The following ABR variants were observed in gnomAD, a reference collection of about 807,000 sequenced individuals.
ABR encodes the protein active breakpoint cluster region-related protein.
A neutral mutation model predicts 107.2 loss-of-function variants in ABR; 35 were observed. The ratio of observed to expected loss-of-function variants is 0.33; its 90% CI spans 0.25 to 0.43. The LOEUF (loss-of-function observed/expected upper bound fraction) is 0.43, where lower values mean the gene tolerates loss of function less well. Among genes scored for constraint, ABR ranks in the 20% least tolerant of loss-of-function variants. The pLI, the probability that ABR is intolerant of heterozygous loss-of-function variation, is 1.00. For missense variants in ABR, 815 were observed against 1,115.2 expected, an observed-to-expected ratio of 0.73 and a Z score of 3.83; for synonymous variants, 498 against 462.0, an observed-to-expected ratio of 1.08 and a Z score of -1.00.
intron 5 of ABR, among the ~76,000 whole-genome samples, chr17:1,083,026 A>G (rs779812433): frequency 2.1e-4 from 32 of 149,600 alleles, no homozygotes; most frequent in Non-Finnish European, 4.3e-4. Context: ...TGGGAGGCTG[A>G]GGCAGGAGAA....
At chr17:1,013,222 T>G in intron 16 of ABR, 58 bp from the exon 17 acceptor site, 1 of 1,542,710 alleles carries the variant, frequency 6.5e-7, no homozygotes. Flanking sequence ...GCCAGAGATC[T>G]CCCCGTGGGT....
chr17:1,102,924 C>T (rs1053006947), intron 2 of ABR, among the ~76,000 whole-genome samples: 5 of 151,938 alleles, frequency 3.3e-5, no homozygotes, highest in African/African-American at 9.7e-5. Flanking sequence ...TGGCCAGGCT[C>T]GTCTCAAACT....
chr17:1,050,595 A>C lies in ABR; in HGVS notation c.1601T>G (p.Phe534Cys). 1.2e-6 allele frequency: 2 copies of C among 1,613,988 alleles called. No individual in the cohort carries two copies. The highest frequency in any genetic ancestry group is 1.7e-6 in the Non-Finnish European group (2 of 1,179,988). The change falls in exon 15 of 23, where the codon TTT becomes TGT. Residue 534 changes from phenylalanine to cysteine, a missense_variant. Transcript: ENST00000302538. The surrounding 1 kb of genome is among the most constrained non-coding windows in gnomAD (Gnocchi z 4.6). The part of the protein sequence containing the change: ...CTLEVDSFGY[F>C]VSKAKTRVFR... ...CACCCTGGTTTTGGCTTTGCTGACA[A>C]AATAGCCGAAGGAATCCACCTCCAG...
rs181618742 is a variant in ABR at position 1,014,654 on chromosome 17, C to T, written c.1792-1490G>A. ...GAGATCGAGACCATCCTGGCTAACA[C>T]GGTGAAACCCCGTCTCTACTAAAAA... On this transcript the variant is annotated intron_variant, in intron 16 of 22. Coordinates refer to ENST00000302538, the MANE Select transcript of ABR (RefSeq NM_021962.5). Among the ~76,000 whole-genome samples, 380 of 150,458 alleles carry T rather than the reference C, an allele frequency of 2.5e-3. 1 individual carries two copies. Among genetic ancestry groups the T allele is most frequent in the African/African-American group, 8.8e-3 (362 of 40,992 alleles).
chr17:1,069,541 G>T (rs527514056), intron 9 of ABR, among the ~76,000 whole-genome samples: 55 of 152,096 alleles, frequency 3.6e-4, no homozygotes, highest in Non-Finnish European at 6.0e-4. Flanking sequence ...GCATGGTGGC[G>T]TGCACCTGTA....
At chr17:1,059,716 A>T (rs1035259992) in intron 10 of ABR, among the ~76,000 whole-genome samples, 5 of 152,154 alleles carry the variant, frequency 3.3e-5, no homozygotes, top group Non-Finnish European at 2.9e-5. Context: ...CCTCCCTTTT[A>T]TTAACCACCA....
rs2042049298 is a variant in ABR, at chr17:1,179,591, C to A, written c.61+76G>T. On this transcript the variant is annotated intron_variant, in intron 1 of 22. Coordinates refer to ENST00000302538, the MANE Select transcript of ABR (RefSeq NM_021962.5). The surrounding 1 kb of genome is among the most constrained non-coding windows in gnomAD (Gnocchi z 4.9). ...GATCCCGATCTTGGGGTCCCGATCC[C>A]GATCCTGGGGTCCCGATCTCCATCC... is the stretch of plus-strand genomic sequence containing the variant. The A allele has an allele frequency of 2.2e-6, 3 of 1,381,706 alleles. No individual in the cohort carries two copies. Among genetic ancestry groups the A allele is most frequent in the South Asian group, 3.1e-5 (2 of 65,330 alleles). 85.6% of individuals were successfully genotyped at this position (1,381,706 alleles called of 1,614,324 possible). A position where few individuals can be genotyped will look rare whatever the true frequency, so the allele number is the denominator to read the frequency against.
chr17:1,176,509 T>C (rs944422032), intron 1 of ABR, among the ~76,000 whole-genome samples: 1 of 152,196 alleles, frequency 6.6e-6, no homozygotes, highest in Non-Finnish European at 1.5e-5. Context: ...TCCTACTCTG[T>C]AAGAGTTGCA....
At chr17:1,021,602 G>A (rs545718751) in intron 16 of ABR, among the ~76,000 whole-genome samples, 22 of 150,252 alleles carry the variant, frequency 1.5e-4, no homozygotes, top group South Asian at 4.2e-4. Flanking sequence ...TCAGGAGATC[G>A]AGACCAACCT....
chr17:1,098,678 G>A (rs2037653819), intron 3 of ABR, among the ~76,000 whole-genome samples: 1 of 152,150 alleles, frequency 6.6e-6, no homozygotes, highest in Non-Finnish European at 1.5e-5. Flanking sequence ...CCTAGCTCTG[G>A]CCCCAGACCA....
rs915514739 is a variant in ABR, at chr17:1,071,332, C to A, written c.895-1242G>T. 1.3e-5 allele frequency among the ~76,000 whole-genome samples: 2 copies of A among 152,202 alleles called. No homozygotes were observed. On this transcript the variant is annotated intron_variant, in intron 8 of 22. Coordinates refer to ENST00000302538, the MANE Select transcript of ABR (RefSeq NM_021962.5). This position sits in a 1 kb window ranked among gnomAD's most constrained non-coding sequence, Gnocchi z 5.1. Reference sequence around the variant, plus strand: ...GGACACTGTCCAGGCCTGTCCCTCACCACTTTCTCCCCAGGAGACCCTGGG... The same window carrying A: ...GGACACTGTCCAGGCCTGTCCCTCAACACTTTCTCCCCAGGAGACCCTGGG...
chr17:1,051,992 T>C lies in ABR; in HGVS notation c.1562-1358A>G, dbSNP rs2032594332. Among the ~76,000 whole-genome samples, 1 of 151,790 alleles carries C rather than the reference T, an allele frequency of 6.6e-6. No individual in the cohort carries two copies. Among genetic ancestry groups the C allele is most frequent in the Non-Finnish European group, 1.5e-5 (1 of 67,954 alleles). On this transcript the variant is annotated intron_variant, in intron 14 of 22. Transcript: ENST00000302538. The surrounding 1 kb of genome is among the most constrained non-coding windows in gnomAD (Gnocchi z 4.3). The stretch of plus-strand genomic sequence containing the variant: ...GGGAGGCTGAGGCAGGACAATCGCT[T>C]GAACCTGGGGTGTGGAAGTTGCAGT...
Position 1,078,279 on chromosome 17 carries a change from G to A in ABR, c.700+1051C>T, listed in dbSNP as rs573192105. On this transcript the variant is annotated intron_variant, in intron 6 of 22. Transcript: ENST00000302538. The surrounding 1 kb of genome is among the most constrained non-coding windows in gnomAD (Gnocchi z 7.5). ...CTCCCACAGCCCCTCCGTGTCCTCCGCCTACTGCTGCATGTGCGCGGAGCA... is the reference window on the plus strand; with the variant it reads ...CTCCCACAGCCCCTCCGTGTCCTCCACCTACTGCTGCATGTGCGCGGAGCA... 5.3e-5 allele frequency among the ~76,000 whole-genome samples: 8 copies of A among 152,102 alleles called. No individual in the cohort carries two copies. Among genetic ancestry groups the A allele is most frequent in the Admixed American group, 3.3e-4 (5 of 15,290 alleles).
intron 1 of ABR, among the ~76,000 whole-genome samples, chr17:1,153,578 G>A (rs1202717223): frequency 9.1e-6 from 1 of 110,430 alleles, no homozygotes; most frequent in African/African-American, 3.0e-5. Flanking sequence ...GCACACCTGC[G>A]GGAGGGCTGG....
At chr17:1,152,105 C>A (rs1228936472) in intron 1 of ABR, among the ~76,000 whole-genome samples, 1 of 152,004 alleles carries the variant, frequency 6.6e-6, no homozygotes, top group Admixed American at 6.6e-5. Flanking sequence ...CTGGTTAACA[C>A]GGGGAAACCC....
rs531728968 is a variant in ABR at position 1,210,157 on chromosome 17, C to T, written c.838+18636G>A. ...TAGAAAGTAACAGAATCTAGAGAGG[C>T]GGAAGCTCAGCCCAGCTGTGTTGGT... is the stretch of plus-strand genomic sequence containing the variant. On this transcript the variant is annotated intron_variant, in intron 1 of 22. Transcript: ENST00000574139. This position sits in a 1 kb window ranked among gnomAD's most constrained non-coding sequence, Gnocchi z 5.6. 2.6e-4 allele frequency among the ~76,000 whole-genome samples: 40 copies of T among 152,302 alleles called. No individual in the cohort carries two copies. Among genetic ancestry groups the T allele is most frequent in the African/African-American group, 9.6e-4 (40 of 41,562 alleles).
Position 1,037,719 on chromosome 17 carries a change from C to G in ABR, c.1791+12331G>C, listed in dbSNP as rs1027212874. 3.0e-4 allele frequency among the ~76,000 whole-genome samples: 45 copies of G among 152,132 alleles called. No individual in the cohort carries two copies. Among genetic ancestry groups the G allele is most frequent in the African/African-American group, 9.4e-4 (39 of 41,448 alleles). ...TCCCAGCACAGCCATAAATTGCAGC[C>G]TGAGGCAGGAGGGGCTGAGGCCTGA... On this transcript the variant is annotated intron_variant, in intron 16 of 22. Coordinates refer to ENST00000302538, the MANE Select transcript of ABR (RefSeq NM_021962.5). The surrounding 1 kb of genome is among the most constrained non-coding windows in gnomAD (Gnocchi z 4.6).
chr17:1,067,385 C>G (rs1374516933), intron 9 of ABR, 143 bp from the exon 10 acceptor site: 4 of 841,928 alleles, frequency 4.8e-6, no homozygotes, highest in Non-Finnish European at 7.1e-6. Context: ...TCCTGAGGAG[C>G]CTGATTGGGA....
chr17:1,040,204 C>G (rs1164089049), intron 16 of ABR, among the ~76,000 whole-genome samples: 1 of 152,120 alleles, frequency 6.6e-6, no homozygotes, highest in Non-Finnish European at 1.5e-5. Flanking sequence ...CCAGGACGCA[C>G]GCGCAGGACC....
Sources: allele counts gnomAD v4.1 joint callset (sites outside exome capture counted in the v4.1 genomes callset), GRCh38; gene constraint gnomAD v4.1.1; non-coding constraint Gnocchi (gnomAD v3.1); transcripts MANE v1.5; gene names NCBI Gene and HGNC (gene_info 2026-07-23, HGNC 2026-07-21).